MICU2: variants seen among roughly 807,000 people sequenced by gnomAD.
MICU2 encodes mitochondrial calcium uptake 2, also known as calcium uptake protein 2, mitochondrial.
MICU2 carries 64 observed loss-of-function variants against 60.4 expected under a neutral mutation model. The ratio of observed to expected loss-of-function variants is 1.06; its 90% confidence interval spans 0.87 to 1.31. MICU2 has a LOEUF of 1.31. MICU2 is among the 50% of genes most tolerant of loss of function. MICU2 has a pLI of 0.00. For missense variants in MICU2, 569 were observed against 531.0 expected (o/e 1.07, Z -0.70); for synonymous variants, 201 against 175.0 (o/e 1.15, Z -1.17).
At chr13:21,558,268 T>C (rs1231304043) in intron 2 of MICU2, among the ~76,000 whole-genome samples, 2 of 152,134 alleles carry the variant, frequency 1.3e-5, no homozygotes, top group Non-Finnish European at 2.9e-5. Flanking sequence ...TGAGAGTAAT[T>C]TGGGCAGCAC....
intron 2 of MICU2, among the ~76,000 whole-genome samples, chr13:21,566,191 C>T (rs1566163076): frequency 6.6e-6 from 1 of 152,136 alleles, no homozygotes; most frequent in East Asian, 1.9e-4. Flanking sequence ...ATTTCAGCTG[C>T]TGCATATTTA....
chr13:21,598,410 T>C lies in MICU2; in HGVS notation c.210+5529A>G, dbSNP rs1179561930. Among the ~76,000 whole-genome samples, 3 of 152,120 alleles carry C rather than the reference T, an allele frequency of 2.0e-5. No individual in the cohort carries two copies. The East Asian group carries it at 5.8e-4, about 29-fold the overall frequency. On this transcript the variant is annotated intron_variant, in intron 1 of 11. Coordinates refer to ENST00000382374, the MANE Select transcript of MICU2 (RefSeq NM_152726.3). The stretch of plus-strand genomic sequence containing the variant: ...TTTCTTCCCCAGTTTTGGGCATTAT[T>C]ACAATGACTTAAAATAGTAATGGTG...
intron 2 of MICU2, among the ~76,000 whole-genome samples, chr13:21,543,782 A>C (rs1472623893): frequency 6.8e-6 from 1 of 146,542 alleles, no homozygotes; most frequent in Non-Finnish European, 1.5e-5. Flanking sequence ...TATCAAAATA[A>C]CAATGACACT....
chr13:21,528,820 C>T (rs1474365619), intron 4 of MICU2, among the ~76,000 whole-genome samples: 2 of 152,156 alleles, frequency 1.3e-5, no homozygotes, highest in Non-Finnish European at 2.9e-5. Flanking sequence ...ATTCTTTCTA[C>T]TGAAGAAGTT....
chr13:21,552,326 A>T (rs1887591525), intron 2 of MICU2, among the ~76,000 whole-genome samples: 1 of 152,114 alleles, frequency 6.6e-6, no homozygotes, highest in African/African-American at 2.4e-5. Context: ...GATTCTGGAT[A>T]TTAGCCCTTT....
chr13:21,495,085 T>C, intron 11 of MICU2, 76 bp downstream of exon 11: 1 of 1,201,352 alleles, frequency 8.3e-7, no homozygotes, highest in Non-Finnish European at 1.1e-6. Flanking sequence ...TTAAAGACTG[T>C]ACAATTGCCC....
At chr13:21,587,444 T>C (rs183417333) in intron 1 of MICU2, among the ~76,000 whole-genome samples, 7 of 152,352 alleles carry the variant, frequency 4.6e-5, no homozygotes, top group Admixed American at 4.6e-4. Flanking sequence ...CCTAATATGA[T>C]GCACTGAAAA....
At chr13:21,500,938 A>G (rs1886136049) in intron 9 of MICU2, among the ~76,000 whole-genome samples, 2 of 152,108 alleles carry the variant, frequency 1.3e-5, no homozygotes, top group African/African-American at 4.8e-5. Flanking sequence ...CTAAGATGAA[A>G]CATTGTTTCC....
chr13:21,571,368 T>C (rs1888104239), intron 1 of MICU2, among the ~76,000 whole-genome samples: 1 of 152,042 alleles, frequency 6.6e-6, no homozygotes, highest in African/African-American at 2.4e-5. Flanking sequence ...TGAGACCCTG[T>C]CTCTATAAAA....
intron 1 of MICU2, among the ~76,000 whole-genome samples, chr13:21,580,600 G>A (rs1888326526): frequency 6.6e-6 from 1 of 151,898 alleles, no homozygotes; most frequent in African/African-American, 2.4e-5. Context: ...AAATATTTAA[G>A]AGTAACTCTT....
intron 8 of MICU2, among the ~76,000 whole-genome samples, chr13:21,506,572 C>G (rs1411952514): frequency 6.6e-6 from 1 of 152,170 alleles, no homozygotes; most frequent in African/African-American, 2.4e-5. Context: ...TTCTGTTTAT[C>G]CTCAGCCTAT....
At chr13:21,579,705 A>T (rs916055624) in intron 1 of MICU2, among the ~76,000 whole-genome samples, 7 of 152,326 alleles carry the variant, frequency 4.6e-5, no homozygotes, top group African/African-American at 7.2e-5. Flanking sequence ...TCTAGCACAA[A>T]TTTGCCAAAG....
intron 1 of MICU2, among the ~76,000 whole-genome samples, chr13:21,585,196 C>G (rs1888431596): frequency 6.6e-6 from 1 of 152,328 alleles, no homozygotes; most frequent in Middle Eastern, 3.4e-3. Context: ...TTTTCATAAT[C>G]TAGCCATTTA....
At position 21,514,394 on chromosome 13, in the gene MICU2, C is replaced by T; in HGVS notation, c.622G>A (p.Asp208Asn). The T allele has an allele frequency of 6.2e-7, 1 of 1,613,504 alleles. No individual in the cohort carries two copies. Among genetic ancestry groups the T allele is most frequent in the East Asian group, 2.2e-5 (1 of 44,806 alleles). ...FKLQKIISKQ[D>N]DLMTVKTNET... ...TTAGTTTTCACTGTCATCAAGTCAT[C>T]TTGTTTACTTATGATCTTCTGCAGC... The change falls in exon 7 of 12, where the codon GAT (aspartate) becomes AAT (asparagine). Residue 208 changes from aspartate to asparagine, a missense_variant. Coordinates refer to ENST00000382374, the MANE Select transcript of MICU2 (RefSeq NM_152726.3).
At chr13:21,564,516 T>C (rs1887927626) in intron 2 of MICU2, among the ~76,000 whole-genome samples, 1 of 152,216 alleles carries the variant, frequency 6.6e-6, no homozygotes, top group Non-Finnish European at 1.5e-5. Context: ...TACAGTCCTA[T>C]GATCAGCTGT....
At chr13:21,600,743 T>A (rs1190537985) in intron 1 of MICU2, among the ~76,000 whole-genome samples, 1 of 152,160 alleles carries the variant, frequency 6.6e-6, no homozygotes, top group Non-Finnish European at 1.5e-5. Flanking sequence ...TTTATATTTT[T>A]ATTGGAAAAA....
intron 8 of MICU2, among the ~76,000 whole-genome samples, chr13:21,505,889 A>G (rs546024973): frequency 6.6e-6 from 1 of 152,308 alleles, no homozygotes; most frequent in East Asian, 1.9e-4. Flanking sequence ...CTCACCTTGT[A>G]AGGATAGGTG....
At chr13:21,569,004 T>G (rs1283711518) in intron 1 of MICU2, among the ~76,000 whole-genome samples, 1 of 152,164 alleles carries the variant, frequency 6.6e-6, no homozygotes, top group African/African-American at 2.4e-5. Context: ...AGTTGAAAGG[T>G]TGAGTGAACT....
intron 2 of MICU2, among the ~76,000 whole-genome samples, chr13:21,563,469 AT>A (rs753634940): frequency 5.3e-5 from 8 of 151,200 alleles, no homozygotes; most frequent in Non-Finnish European, 1.0e-4. Context: ...AAAAAAAAAA[AT>A]TCTGCAGTTT....
Sources: gnomAD v4.1 joint callset for allele counts (sites outside exome capture counted in the v4.1 genomes callset) on GRCh38, gnomAD v4.1.1 for gene constraint, MANE v1.5 for transcripts, NCBI Gene and HGNC (gene_info 2026-07-23, HGNC 2026-07-21) for gene names.